The following EYS variants were observed in gnomAD, a reference collection of about 807,000 sequenced individuals.
The protein encoded by EYS is protein eyes shut homolog.
In EYS, 250 loss-of-function variants were observed where a neutral mutation model predicts 282.1. The ratio of observed to expected loss-of-function variants is 0.89; its 90% confidence interval spans 0.80 to 0.98. The LOEUF is 0.98. Among genes scored for constraint, EYS ranks in the 50% least tolerant of loss-of-function variants. The pLI, the probability that EYS is intolerant of heterozygous loss-of-function variation, is 0.00. For synonymous variants in EYS, 1,355 were observed against 1,282.9 expected (o/e 1.06, Z -1.20); for missense variants, 4,016 against 3,709.0 (o/e 1.08, Z -2.15).
chr6:64,819,919 C>A (rs1172934795), intron 21 of EYS, among the ~76,000 whole-genome samples: 1 of 151,914 alleles, frequency 6.6e-6, no homozygotes, highest in East Asian at 1.9e-4. Flanking sequence ...GCACAAAGAA[C>A]TACAAATGGC....
chr6:64,553,167 A>C (rs953334440), intron 26 of EYS, among the ~76,000 whole-genome samples: 50 of 152,062 alleles, frequency 3.3e-4, no homozygotes, highest in African/African-American at 1.1e-3. Flanking sequence ...GGTCACTTGT[A>C]TTTTGCTCAG....
intron 11 of EYS, among the ~76,000 whole-genome samples, chr6:65,301,311 C>A (rs1272071565): frequency 6.6e-6 from 1 of 152,156 alleles, no homozygotes. Context: ...CTGGCTAACA[C>A]GGTGAAACCC....
intron 33 of EYS, among the ~76,000 whole-genome samples, chr6:64,043,694 G>C (rs192237887): frequency 1.3e-4 from 20 of 152,304 alleles, no homozygotes; most frequent in African/African-American, 4.6e-4. Flanking sequence ...TCACTTCACT[G>C]ATCTACTCCA....
intron 26 of EYS, among the ~76,000 whole-genome samples, chr6:64,561,387 C>A (rs1765390234): frequency 6.6e-6 from 1 of 152,112 alleles, no homozygotes; most frequent in Non-Finnish European, 1.5e-5. Flanking sequence ...GTCAAACTAT[C>A]TCTGTTTGCA....
chr6:63,964,578 G>A (rs1442599213), intron 35 of EYS, among the ~76,000 whole-genome samples: 1 of 152,134 alleles, frequency 6.6e-6, no homozygotes, highest in Non-Finnish European at 1.5e-5. Flanking sequence ...GAATCCACTA[G>A]TCCTTGCCAT....
chr6:64,998,956 C>T (rs115849131), intron 13 of EYS, among the ~76,000 whole-genome samples: 2,385 of 152,178 alleles, frequency 0.016, 66 homozygotes, highest in African/African-American at 0.054. Flanking sequence ...ATTGATGTTA[C>T]GTGTTCTATG....
chr6:64,711,728 A>C (rs1335221236), intron 22 of EYS, among the ~76,000 whole-genome samples: 2 of 152,200 alleles, frequency 1.3e-5, no homozygotes, highest in African/African-American at 4.8e-5. Context: ...TAAGTATGCT[A>C]TTCTAAATAC....
At chr6:65,516,651 G>C (rs908619655) in intron 2 of EYS, among the ~76,000 whole-genome samples, 10 of 152,088 alleles carry the variant, frequency 6.6e-5, no homozygotes, top group African/African-American at 2.4e-4. Context: ...TAAGTGTTTT[G>C]TATGTTTTAT....
At chr6:65,478,988 C>T (rs185922899) in intron 5 of EYS, among the ~76,000 whole-genome samples, 6 of 152,056 alleles carry the variant, frequency 3.9e-5, no homozygotes, top group South Asian at 2.1e-4. Flanking sequence ...ATTTATCCAA[C>T]GAAATTATCT....
intron 22 of EYS, among the ~76,000 whole-genome samples, chr6:64,672,810 T>C (rs1021340839): frequency 3.9e-5 from 6 of 152,268 alleles, no homozygotes; most frequent in South Asian, 2.1e-4. Context: ...CTTTTCTGGT[T>C]AAACTTGAAC....
At chr6:65,066,589 G>T (rs976585890) in intron 12 of EYS, among the ~76,000 whole-genome samples, 1 of 152,098 alleles carries the variant, frequency 6.6e-6, no homozygotes, top group African/African-American at 2.4e-5. Flanking sequence ...TCAGAAAGAA[G>T]ATATTAGATT....
At position 64,686,868 on chromosome 6, in the gene EYS, C is replaced by T. The variant is rs74186913; in HGVS notation, c.3444-60623G>A. ...ATATATATATATGTGTATATATATA[C>T]GTGTATATATATATACACACACATA... On this transcript the variant is annotated intron_variant, in intron 22 of 42. Transcript: ENST00000503581. Among the ~76,000 whole-genome samples the T allele has an allele frequency of 5.6e-3, 448 of 80,224 alleles. 140 individuals carry two copies. Among genetic ancestry groups the T allele is most frequent in the Non-Finnish European group, 8.4e-3 (351 of 42,006 alleles). The allele number at this position is 80,224 out of a possible 152,430, so 52.6% of individuals were successfully genotyped here. A position where few individuals can be genotyped will look rare whatever the true frequency, so the allele number is the denominator to read the frequency against.
At chr6:64,369,384 G>C (rs1029192400) in intron 29 of EYS, among the ~76,000 whole-genome samples, 28 of 152,056 alleles carry the variant, frequency 1.8e-4, no homozygotes, top group African/African-American at 6.0e-4. Flanking sequence ...GCATTGCCTT[G>C]GCTATTCAGG....
At chr6:64,463,672 A>C (rs1329121876) in intron 26 of EYS, among the ~76,000 whole-genome samples, 1 of 152,240 alleles carries the variant, frequency 6.6e-6, no homozygotes, top group East Asian at 1.9e-4. Flanking sequence ...TCACTCTATA[A>C]GCATGTCACT....
At chr6:64,546,846 T>C (rs1256181958) in intron 26 of EYS, among the ~76,000 whole-genome samples, 2 of 152,114 alleles carry the variant, frequency 1.3e-5, no homozygotes, top group Non-Finnish European at 2.9e-5. Context: ...CCAGTTAGAA[T>C]GGCGATCATT....
intron 26 of EYS, among the ~76,000 whole-genome samples, chr6:64,477,145 T>C (rs1250870780): frequency 2.0e-5 from 3 of 152,036 alleles, no homozygotes; most frequent in Non-Finnish European, 4.4e-5. Flanking sequence ...CCTTCAAGGG[T>C]TCTACACGTC....
At chr6:63,821,829 G>C (rs916397251) in intron 36 of EYS, 2 of 152,194 alleles carry the variant, frequency 1.3e-5, no homozygotes, top group Non-Finnish European at 2.9e-5. Flanking sequence ...AAAGAAAATT[G>C]CAAGTGGAAG....
intron 22 of EYS, among the ~76,000 whole-genome samples, chr6:64,789,028 A>G (rs1375200124): frequency 2.6e-5 from 4 of 152,108 alleles, no homozygotes; most frequent in Admixed American, 6.6e-5. Context: ...AACTTATTCA[A>G]TTCAAACACT....
Position 64,018,926 on chromosome 6 carries a change from C to A in EYS, c.6726-19743G>T, listed in dbSNP as rs542236817. ...AGTAGCTGGGACTACAGGCGCATGC[C>A]ATCATGCCTGGTTAATTTTTATATT... On this transcript the variant is annotated intron_variant, in intron 33 of 42. Transcript: ENST00000503581. 3.0e-4 allele frequency among the ~76,000 whole-genome samples: 46 copies of A among 152,032 alleles called. 1 individual carries two copies. In the South Asian group the frequency reaches 7.9e-3, roughly 26 times the overall value.
Sources: gnomAD v4.1 joint callset for allele counts (sites outside exome capture counted in the v4.1 genomes callset) on GRCh38, gnomAD v4.1.1 for gene constraint, MANE v1.5 for transcripts, NCBI Gene and HGNC (gene_info 2026-07-23, HGNC 2026-07-21) for gene names.